Variants in FSIP1 observed in about 807,000 individuals in gnomAD.
FSIP1 encodes fibrous sheath-interacting protein 1.
FSIP1 carries 65 observed loss-of-function variants against 60.9 expected under a neutral mutation model. That is an observed-to-expected ratio of 1.07 (90% CI 0.87 to 1.31). FSIP1 has a LOEUF of 1.31. Ranked by LOEUF, FSIP1 falls within the 40% of genes most tolerant of loss-of-function variation. The pLI is 0.00. For missense variants in FSIP1, 675 were observed against 665.5 expected, an observed-to-expected ratio of 1.01 and a Z score of -0.16; for synonymous variants, 209 against 221.2, an observed-to-expected ratio of 0.94 and a Z score of 0.49.
chr15:39,619,332 C>T (rs1183862847), intron 10 of FSIP1, among the ~76,000 whole-genome samples: 1 of 152,028 alleles, frequency 6.6e-6, no homozygotes, highest in Admixed American at 6.5e-5. Context: ...GTTTAACTTA[C>T]CTATATTAAA....
chr15:39,631,464 A>T (rs1005125756), intron 10 of FSIP1, among the ~76,000 whole-genome samples: 2 of 152,188 alleles, frequency 1.3e-5, no homozygotes, highest in African/African-American at 2.4e-5. Flanking sequence ...AGACAGACAA[A>T]CTGGTTGAAA....
downstream of FSIP1, chr15:39,598,054 G>A (rs1024207385): frequency 3.3e-5 from 5 of 152,196 alleles, no homozygotes; most frequent in Non-Finnish European, 4.4e-5. Flanking sequence ...CCATAAATGC[G>A]TGTGTGTCTA....
At chr15:39,772,694 A>C (rs1046120619) in intron 2 of FSIP1, among the ~76,000 whole-genome samples, 3 of 151,528 alleles carry the variant, frequency 2.0e-5, no homozygotes, top group African/African-American at 7.3e-5. Flanking sequence ...GGGTTCAAGC[A>C]ATTCTTCTGC....
chr15:39,744,095 GTA>G (rs1896899918), intron 5 of FSIP1, among the ~76,000 whole-genome samples: 1 of 152,168 alleles, frequency 6.6e-6, no homozygotes, highest in Non-Finnish European at 1.5e-5. Flanking sequence ...ATGTATGTGT[GTA>G]TATGTGTGTC....
At chr15:39,673,956 A>G (rs1893821810) in intron 10 of FSIP1, among the ~76,000 whole-genome samples, 1 of 152,128 alleles carries the variant, frequency 6.6e-6, no homozygotes, top group Admixed American at 6.5e-5. Flanking sequence ...ATATAAATAG[A>G]TTCATAAAAG....
intron 10 of FSIP1, among the ~76,000 whole-genome samples, chr15:39,678,937 T>C (rs990711500): frequency 1.3e-5 from 2 of 152,244 alleles, no homozygotes; most frequent in African/African-American, 4.8e-5. Context: ...TGTTTTGTTA[T>C]TGTTGTTATC....
chr15:39,640,152 TA>T (rs1892303581), intron 10 of FSIP1, among the ~76,000 whole-genome samples: 1 of 152,222 alleles, frequency 6.6e-6, no homozygotes, highest in South Asian at 2.1e-4. Context: ...TAATGTCAAT[TA>T]ACAGGGAGAG....
chr15:39,611,056 G>C (rs1188522217), intron 11 of FSIP1, among the ~76,000 whole-genome samples: 1 of 152,128 alleles, frequency 6.6e-6, no homozygotes. Context: ...GTGTAAGTAA[G>C]ACATAGTCAT....
chr15:39,751,418 A>AACACACAC (rs3065153), intron 5 of FSIP1, among the ~76,000 whole-genome samples: 3,062 of 144,820 alleles, frequency 0.021, 86 homozygotes, highest in African/African-American at 0.069. Context: ...GTAATACATA[A>AACACACAC]ACACACACAC....
intron 10 of FSIP1, among the ~76,000 whole-genome samples, chr15:39,695,015 A>C (rs1414781525): frequency 6.6e-6 from 1 of 152,024 alleles, no homozygotes; most frequent in Non-Finnish European, 1.5e-5. Flanking sequence ...TAGGGTTTAC[A>C]TTTTCCCAGC....
chr15:39,770,748 A>G, intron 2 of FSIP1, 138 bp from the exon 3 acceptor site: 1 of 529,534 alleles, frequency 1.9e-6, no homozygotes, highest in Non-Finnish European at 3.3e-6. Context: ...AAAGTATTCT[A>G]GAAATATAAC....
chr15:39,729,765 T>A (rs1309513558), intron 8 of FSIP1, among the ~76,000 whole-genome samples: 1 of 152,154 alleles, frequency 6.6e-6, no homozygotes, highest in Admixed American at 6.5e-5. Context: ...AAGGCCATAA[T>A]CCTAAACAAA....
At chr15:39,598,327 AT>A (rs1890525476), downstream of FSIP1, 1 of 152,234 alleles carries the variant, frequency 6.6e-6, no homozygotes, top group Non-Finnish European at 1.5e-5. Flanking sequence ...CTGAGTAGCC[AT>A]GATCACATAC....
chr15:39,705,984 T>A (rs1895249327), intron 10 of FSIP1, among the ~76,000 whole-genome samples: 1 of 127,568 alleles, frequency 7.8e-6, no homozygotes, highest in African/African-American at 3.0e-5. Context: ...GGCAACAGAG[T>A]GAGACTCGGT....
intron 10 of FSIP1, among the ~76,000 whole-genome samples, chr15:39,623,029 C>A (rs1048461033): frequency 6.6e-6 from 1 of 150,510 alleles, no homozygotes; most frequent in Admixed American, 6.6e-5. Flanking sequence ...AAAAAAAAAA[C>A]CCAGCCACAG....
chr15:39,638,037 C>A (rs763825625), intron 10 of FSIP1, among the ~76,000 whole-genome samples: 9 of 152,180 alleles, frequency 5.9e-5, no homozygotes, highest in African/African-American at 1.9e-4. Flanking sequence ...TTGAGTTTCA[C>A]CATGCAAATT....
chr15:39,766,282 A>G lies in FSIP1; in HGVS notation c.311-536T>C, dbSNP rs147535561. Among the ~76,000 whole-genome samples the G allele has an allele frequency of 6.6e-3, 999 of 152,316 alleles. 44 individuals carry two copies. The highest frequency in any genetic ancestry group is 1.3e-3 in the Non-Finnish European group (86 of 68,024). On this transcript the variant is annotated intron_variant, in intron 3 of 11. Coordinates refer to ENST00000350221, the MANE Select transcript of FSIP1 (RefSeq NM_152597.5). ...TCTATGTAGCTTGTATCTTTTTTCT[A>G]TGCTGCTTCTTTTGTTCTAATTTCT...
In FSIP1 at chr15:39,770,547, T is replaced by G. The variant is rs1166719; in HGVS notation, c.190A>C (p.Asn64His). ...EDHSESSNTE[N>H]RRTSNDDKQE... Reference sequence around the variant, plus strand: ...TTATCATCATTACTAGTTCTTCTGTTCTCTGTATTACTGCTTTCGGAGTGG... The same window carrying G: ...TTATCATCATTACTAGTTCTTCTGTGCTCTGTATTACTGCTTTCGGAGTGG... The change falls in exon 3 of 12, where the codon AAC becomes CAC. Residue 64 changes from asparagine to histidine, a missense_variant. Transcript: ENST00000350221. 2 of 1,610,476 alleles carry G rather than the reference T, an allele frequency of 1.2e-6. No individual in the cohort carries two copies. The highest frequency in any genetic ancestry group is 2.2e-5 in the East Asian group (1 of 44,674).
chr15:39,708,248 G>A (rs1595641425), intron 10 of FSIP1, among the ~76,000 whole-genome samples: 1 of 152,146 alleles, frequency 6.6e-6, no homozygotes, highest in South Asian at 2.1e-4. Flanking sequence ...TCAAAGCACA[G>A]CTCCTCCACC....
Sources: gnomAD v4.1 joint callset for allele counts (sites outside exome capture counted in the v4.1 genomes callset) on GRCh38, gnomAD v4.1.1 for gene constraint, MANE v1.5 for transcripts, NCBI Gene and HGNC (gene_info 2026-07-23, HGNC 2026-07-21) for gene names.